Variants in CTNNA2 observed in about 807,000 individuals in gnomAD.
CTNNA2 encodes catenin alpha-2.
In CTNNA2, 42 loss-of-function variants were observed where a neutral mutation model predicts 101.0. That is an observed-to-expected ratio of 0.42 (90% CI 0.32 to 0.54). CTNNA2 has a LOEUF of 0.54. Ranked by LOEUF, CTNNA2 falls within the 20% of genes least tolerant of loss-of-function variation. The probability of loss-of-function intolerance (pLI) is 0.14; values close to 1 mark genes in which losing one functional copy is unlikely to be tolerated. For missense variants in CTNNA2, 871 were observed against 1,223.1 expected, an observed-to-expected ratio of 0.71 and a Z score of 4.29; for synonymous variants, 450 against 456.4, an observed-to-expected ratio of 0.99 and a Z score of 0.18.
rs144329940 is a variant in CTNNA2 at position 80,368,494 on chromosome 2, AT to A, written c.1057-24707del. On this transcript the variant is annotated intron_variant, in intron 7 of 18. Transcript: ENST00000402739. Reference sequence around the variant, plus strand: ...ATTGAATGCACTATACACAGATGCCATTTTTTTTTTAACCATTTTTGCTTCA... The same window carrying A: ...ATTGAATGCACTATACACAGATGCCATTTTTTTTTAACCATTTTTGCTTCA... 3.5e-3 allele frequency among the ~76,000 whole-genome samples: 517 copies of A among 149,512 alleles called. 1 individual carries two copies. The highest frequency in any genetic ancestry group is 0.014 in the Middle Eastern group (4 of 288).
chr2:80,608,100 T>C (rs187140679), intron 16 of CTNNA2, 84 bp from the exon 17 acceptor site: 1 of 1,414,914 alleles, frequency 7.1e-7, no homozygotes. Context: ...CACTGAAAAC[T>C]TTTCTTCCTG....
At chr2:79,767,242 T>C (rs1360361114) in intron 3 of CTNNA2, among the ~76,000 whole-genome samples, 7 of 152,136 alleles carry the variant, frequency 4.6e-5, no homozygotes, top group Admixed American at 4.6e-4. Context: ...GAATTTTGAA[T>C]GTCTTCTCTG....
At chr2:80,441,096 A>C (rs72914947) in intron 9 of CTNNA2, among the ~76,000 whole-genome samples, 3 of 152,196 alleles carry the variant, frequency 2.0e-5, no homozygotes, top group African/African-American at 7.2e-5. Context: ...ACATCCATGG[A>C]CTAAAGAAAG....
At chr2:80,556,863 AC>A (rs572095652) in intron 12 of CTNNA2, among the ~76,000 whole-genome samples, 94 of 152,260 alleles carry the variant, frequency 6.2e-4, no homozygotes, top group African/African-American at 2.1e-3. Flanking sequence ...CCTAAGGGGG[AC>A]CTTCATAGGT....
intron 7 of CTNNA2, among the ~76,000 whole-genome samples, chr2:80,013,755 AT>A (rs1487591398): frequency 3.2e-4 from 48 of 152,300 alleles, no homozygotes; most frequent in African/African-American, 1.1e-3. Context: ...TGTACATGCT[AT>A]TGGCCAGACA....
At chr2:79,401,257 C>A (rs975104996) in intron 4 of CTNNA2, among the ~76,000 whole-genome samples, 1 of 151,520 alleles carries the variant, frequency 6.6e-6, no homozygotes, top group Non-Finnish European at 1.5e-5. Context: ...TATACACTTA[C>A]AGTATACCCA....
chr2:79,926,169 AG>A (rs1490883492), intron 7 of CTNNA2, among the ~76,000 whole-genome samples: 1 of 152,138 alleles, frequency 6.6e-6, no homozygotes, highest in Non-Finnish European at 1.5e-5. Flanking sequence ...TAAGTTTCTC[AG>A]CAGTTCCTGG....
At chr2:79,443,009 C>A (rs970704424) in intron 4 of CTNNA2, among the ~76,000 whole-genome samples, 2 of 152,084 alleles carry the variant, frequency 1.3e-5, no homozygotes, top group Non-Finnish European at 1.5e-5. Context: ...TTAACAATTT[C>A]TGGTGTATGT....
At chr2:79,567,653 A>G (rs1458164642) in intron 1 of CTNNA2, among the ~76,000 whole-genome samples, 1 of 151,796 alleles carries the variant, frequency 6.6e-6, no homozygotes, top group Non-Finnish European at 1.5e-5. Context: ...TCCTCCCCAT[A>G]CAAGTAGAAG....
At chr2:80,416,065 G>A (rs1013689353) in intron 8 of CTNNA2, among the ~76,000 whole-genome samples, 14 of 152,000 alleles carry the variant, frequency 9.2e-5, no homozygotes, top group Admixed American at 7.9e-4. Context: ...TGGGGGTGGT[G>A]AAACGGGAAA....
intron 7 of CTNNA2, among the ~76,000 whole-genome samples, chr2:80,075,105 T>A (rs1373195681): frequency 1.3e-5 from 2 of 152,144 alleles, no homozygotes; most frequent in Non-Finnish European, 2.9e-5. Flanking sequence ...TATCCCTGTG[T>A]GATGGGAAGC....
At chr2:80,232,341 GTTTGTTTTTTTTTTTTTTTTTTTTT>G (rs1709282782) in intron 7 of CTNNA2, among the ~76,000 whole-genome samples, 173 of 82,006 alleles carry the variant, frequency 2.1e-3, no homozygotes, top group Middle Eastern at 7.9e-3. Context: ...TTGTTTGTTT[GTTTGTTTTTTTTTTTTTTTTTTTTT>G]TTTTTTTTTT....
At chr2:80,434,272 G>T (rs1468736444) in intron 9 of CTNNA2, among the ~76,000 whole-genome samples, 1 of 152,164 alleles carries the variant, frequency 6.6e-6, no homozygotes, top group Middle Eastern at 3.4e-3. Flanking sequence ...TCTACTTATC[G>T]CTTCTACAAC....
intron 7 of CTNNA2, among the ~76,000 whole-genome samples, chr2:80,086,428 T>TG (rs1280680761): frequency 1.3e-5 from 2 of 152,058 alleles, no homozygotes; most frequent in African/African-American, 4.8e-5. Flanking sequence ...GATGGTAAAC[T>TG]GGGGTCATTA....
At chr2:80,148,228 C>G (rs1703475366) in intron 7 of CTNNA2, among the ~76,000 whole-genome samples, 1 of 152,166 alleles carries the variant, frequency 6.6e-6, no homozygotes, top group South Asian at 2.1e-4. Flanking sequence ...AGATTTCTTT[C>G]TGTACAGGCT....
At position 80,356,315 on chromosome 2, in the gene CTNNA2, C is replaced by A. The variant is rs191989166; in HGVS notation, c.1057-36896C>A. On this transcript the variant is annotated intron_variant, in intron 7 of 18. Coordinates refer to ENST00000402739, the MANE Select transcript of CTNNA2 (RefSeq NM_001282597.3). The stretch of plus-strand genomic sequence containing the variant: ...TATTTGCTTTGAACATAAACAGGGG[C>A]AGCAAGACATGGTAAAAACATCATT... 6.1e-3 allele frequency among the ~76,000 whole-genome samples: 927 copies of A among 152,214 alleles called. 10 individuals carry two copies. Among genetic ancestry groups the A allele is most frequent in the African/African-American group, 0.021 (858 of 41,524 alleles).
intron 9 of CTNNA2, among the ~76,000 whole-genome samples, chr2:80,443,656 G>A (rs1199256235): frequency 6.6e-6 from 1 of 152,172 alleles, no homozygotes; most frequent in East Asian, 1.9e-4. Context: ...AATTAGCAGT[G>A]AAACCTTGAG....
At chr2:80,442,713 A>G (rs1159973819) in intron 9 of CTNNA2, among the ~76,000 whole-genome samples, 3 of 152,156 alleles carry the variant, frequency 2.0e-5, no homozygotes, top group Non-Finnish European at 4.4e-5. Context: ...TCTGGAAGAC[A>G]AGAGAATAAT....
chr2:79,589,724 C>T (rs11896020), intron 1 of CTNNA2, among the ~76,000 whole-genome samples: 6 of 151,182 alleles, frequency 4.0e-5, no homozygotes, highest in East Asian at 1.9e-4. Flanking sequence ...TTTTCCCCCC[C>T]CCGAGACACG....
Sources: gnomAD v4.1 joint callset for allele counts (sites outside exome capture counted in the v4.1 genomes callset) on GRCh38, gnomAD v4.1.1 for gene constraint, MANE v1.5 for transcripts, NCBI Gene and HGNC (gene_info 2026-07-23, HGNC 2026-07-21) for gene names.